Variants in CMTM8 observed in about 807,000 individuals in gnomAD.
CMTM8 encodes the protein CKLF like MARVEL transmembrane domain containing 8, also known as CKLF-like MARVEL transmembrane domain-containing protein 8.
In CMTM8, 12 loss-of-function variants were observed where a neutral mutation model predicts 18.6. The ratio of observed to expected loss-of-function variants is 0.65; its 90% CI spans 0.41 to 1.05. The LOEUF (loss-of-function observed/expected upper bound fraction) is 1.05. Ranked by LOEUF, CMTM8 falls within the 50% of genes least tolerant of loss-of-function variation. The probability of loss-of-function intolerance (pLI) is 0.00; values close to 1 mark genes in which losing one functional copy is unlikely to be tolerated. For synonymous variants in CMTM8, 87 were observed against 90.6 expected (o/e 0.96, Z 0.23); for missense variants, 217 against 227.2 (o/e 0.95, Z 0.29).
At chr3:32,245,337 C>G (rs987574503) in intron 1 of CMTM8, among the ~76,000 whole-genome samples, 5 of 152,232 alleles carry the variant, frequency 3.3e-5, no homozygotes, top group Non-Finnish European at 7.3e-5. Context: ...ATCGCTTGCT[C>G]TGGTTTTGGG....
At chr3:32,342,749 G>A (rs1428984082) in intron 1 of CMTM8, among the ~76,000 whole-genome samples, 4 of 152,248 alleles carry the variant, frequency 2.6e-5, no homozygotes, top group Non-Finnish European at 4.4e-5. Flanking sequence ...TTTTACCTGA[G>A]AAAGAGGAGA....
chr3:32,267,072 A>C (rs915928652), intron 1 of CMTM8, among the ~76,000 whole-genome samples: 5 of 152,162 alleles, frequency 3.3e-5, no homozygotes, highest in African/African-American at 1.2e-4. Flanking sequence ...GCTACCAATG[A>C]CTTTCTTCAC....
At chr3:32,299,336 G>C (rs569559200) in intron 1 of CMTM8, among the ~76,000 whole-genome samples, 5 of 152,244 alleles carry the variant, frequency 3.3e-5, no homozygotes, top group Admixed American at 2.6e-4. Flanking sequence ...TTGTAAACTT[G>C]TTGAAGTACT....
At chr3:32,297,835 G>C (rs1235470457) in intron 1 of CMTM8, among the ~76,000 whole-genome samples, 1 of 151,992 alleles carries the variant, frequency 6.6e-6, no homozygotes, top group Non-Finnish European at 1.5e-5. Flanking sequence ...TAAGGTTTGT[G>C]TGTGGGAAGG....
chr3:32,357,973 G>T (rs1363982446), intron 2 of CMTM8, among the ~76,000 whole-genome samples: 1 of 152,164 alleles, frequency 6.6e-6, no homozygotes, highest in Non-Finnish European at 1.5e-5. Flanking sequence ...TTATGATGTT[G>T]GAGCACATTG....
intron 2 of CMTM8, 132 bp downstream of exon 2, chr3:32,357,678 A>C (rs1696843194): frequency 1.2e-5 from 10 of 826,370 alleles, no homozygotes; most frequent in Non-Finnish European, 1.6e-5. Context: ...TCAACACAGC[A>C]GATAATCTCA....
At chr3:32,353,364 A>C (rs1559387750) in intron 1 of CMTM8, among the ~76,000 whole-genome samples, 1 of 152,132 alleles carries the variant, frequency 6.6e-6, no homozygotes, top group East Asian at 1.9e-4. Flanking sequence ...TATTCTAGAA[A>C]TTTTCCTCCT....
At chr3:32,341,540 A>G (rs1696493756) in intron 1 of CMTM8, among the ~76,000 whole-genome samples, 2 of 152,200 alleles carry the variant, frequency 1.3e-5, no homozygotes, top group Admixed American at 6.5e-5. Context: ...GAGGCACAGA[A>G]GAGTTAAATT....
At chr3:32,316,612 T>C (rs1695937474) in intron 1 of CMTM8, among the ~76,000 whole-genome samples, 2 of 152,210 alleles carry the variant, frequency 1.3e-5, no homozygotes, top group South Asian at 4.1e-4. Flanking sequence ...TTGAGCTCTA[T>C]GCTACCTGAA....
intron 1 of CMTM8, among the ~76,000 whole-genome samples, chr3:32,294,923 T>G (rs1702846670): frequency 1.3e-5 from 2 of 151,678 alleles, no homozygotes; most frequent in Non-Finnish European, 2.9e-5. Flanking sequence ...GGTGTGGTGG[T>G]GCACACCTAT....
At chr3:32,343,343 G>A (rs892245160) in intron 1 of CMTM8, among the ~76,000 whole-genome samples, 2 of 152,152 alleles carry the variant, frequency 1.3e-5, no homozygotes, top group Non-Finnish European at 2.9e-5. Context: ...TGCCATCCTT[G>A]GAGACTGCTG....
At chr3:32,311,231 T>C (rs1439650684) in intron 1 of CMTM8, among the ~76,000 whole-genome samples, 2 of 152,230 alleles carry the variant, frequency 1.3e-5, no homozygotes, top group African/African-American at 4.8e-5. Context: ...AAAACAAGAA[T>C]ACTGTTTTGC....
intron 1 of CMTM8, among the ~76,000 whole-genome samples, chr3:32,333,416 G>A (rs1696319473): frequency 6.6e-6 from 1 of 152,172 alleles, no homozygotes; most frequent in South Asian, 2.1e-4. Flanking sequence ...TAGAAATGCA[G>A]ATCTTAGGCC....
chr3:32,297,967 TC>T (rs1695507425), intron 1 of CMTM8, among the ~76,000 whole-genome samples: 1 of 151,794 alleles, frequency 6.6e-6, no homozygotes, highest in African/African-American at 2.4e-5. Flanking sequence ...GGTAAAGAAG[TC>T]TGGCTTGTGT....
chr3:32,296,496 G>A (rs1040447749), intron 1 of CMTM8, among the ~76,000 whole-genome samples: 2 of 152,104 alleles, frequency 1.3e-5, no homozygotes, highest in Non-Finnish European at 2.9e-5. Context: ...CAGCCCAGTC[G>A]GAACCTGTTT....
At chr3:32,257,277 G>C (rs926854492) in intron 1 of CMTM8, among the ~76,000 whole-genome samples, 5 of 152,174 alleles carry the variant, frequency 3.3e-5, no homozygotes, top group Non-Finnish European at 7.3e-5. Flanking sequence ...ACACTGGAAA[G>C]GCATTCTTTA....
At chr3:32,241,191 A>C (rs1189660506) in intron 1 of CMTM8, among the ~76,000 whole-genome samples, 3 of 152,134 alleles carry the variant, frequency 2.0e-5, no homozygotes, top group Non-Finnish European at 4.4e-5. Context: ...AATGCTGTTT[A>C]TTGGTGTTCC....
intron 1 of CMTM8, among the ~76,000 whole-genome samples, chr3:32,286,008 C>CGATG (rs1464767696): frequency 6.6e-6 from 1 of 152,154 alleles, no homozygotes; most frequent in Non-Finnish European, 1.5e-5. Context: ...CCTGTCAGGA[C>CGATG]GATGGGAGAA....
intron 1 of CMTM8, among the ~76,000 whole-genome samples, chr3:32,276,685 G>A (rs924884295): frequency 9.2e-5 from 14 of 152,186 alleles, no homozygotes; most frequent in Middle Eastern, 3.4e-3. Context: ...AACCCGTGTC[G>A]TCAATGGTTC....
Sources: allele counts gnomAD v4.1 joint callset (sites outside exome capture counted in the v4.1 genomes callset), GRCh38; gene constraint gnomAD v4.1.1; transcripts MANE v1.5; gene names NCBI Gene and HGNC (gene_info 2026-07-23, HGNC 2026-07-21).